STK32B: variants seen among roughly 807,000 people sequenced by gnomAD.
The protein encoded by STK32B is serine/threonine-protein kinase 32B.
Under a neutral mutation model 52.6 loss-of-function variants are expected in STK32B, and 43 were observed. The observed-to-expected ratio is 0.82, with a 90% CI of 0.64 to 1.05. The LOEUF (loss-of-function observed/expected upper bound fraction) is 1.05, where lower values mean the gene tolerates loss of function less well. Ranked by LOEUF, STK32B falls within the 50% of genes least tolerant of loss-of-function variation. STK32B has a pLI of 0.00. For synonymous variants in STK32B, 238 were observed against 204.3 expected, an observed-to-expected ratio of 1.17 and a Z score of -1.41; for missense variants, 621 against 534.6, an observed-to-expected ratio of 1.16 and a Z score of -1.59.
chr4:5,088,494 G>A (rs945130763), intron 1 of STK32B, among the ~76,000 whole-genome samples: 1 of 152,036 alleles, frequency 6.6e-6, no homozygotes, highest in Non-Finnish European at 1.5e-5. Context: ...AAATACTTGA[G>A]AGGTTGGATA....
intron 4 of STK32B, among the ~76,000 whole-genome samples, chr4:5,359,367 C>A (rs1460564712): frequency 6.6e-6 from 1 of 151,820 alleles, no homozygotes; most frequent in African/African-American, 2.4e-5. Flanking sequence ...ACTCATCCAA[C>A]CACTCATCCA....
intron 10 of STK32B, 30 bp downstream of exon 10, chr4:5,466,864 G>T (rs774670650): frequency 3.7e-6 from 6 of 1,605,854 alleles, no homozygotes; most frequent in Non-Finnish European, 5.1e-6. Flanking sequence ...CGTTCCGGGA[G>T]AGAAATCCTG....
chr4:5,211,690 A>G (rs1377584010), intron 3 of STK32B, among the ~76,000 whole-genome samples: 1 of 152,162 alleles, frequency 6.6e-6, no homozygotes, highest in African/African-American at 2.4e-5. Flanking sequence ...CAATGACCCC[A>G]TGAGGTCAGC....
intron 3 of STK32B, among the ~76,000 whole-genome samples, chr4:5,311,924 A>T (rs1005690391): frequency 4.1e-5 from 6 of 146,138 alleles, no homozygotes; most frequent in South Asian, 2.1e-4. Context: ...ATTTTTTTTT[A>T]AAGTTTATTC....
At chr4:5,235,116 C>T (rs777363892) in intron 3 of STK32B, among the ~76,000 whole-genome samples, 11 of 152,220 alleles carry the variant, frequency 7.2e-5, no homozygotes, top group Non-Finnish European at 1.0e-4. Flanking sequence ...ATGAGATAGA[C>T]TTAGATTCAT....
At chr4:5,325,048 A>G (rs1255725120) in intron 3 of STK32B, among the ~76,000 whole-genome samples, 1 of 152,148 alleles carries the variant, frequency 6.6e-6, no homozygotes, top group Non-Finnish European at 1.5e-5. Context: ...CTCTAAATTT[A>G]TCCTGGTATG....
At chr4:5,110,198 A>G (rs1425755086) in intron 1 of STK32B, among the ~76,000 whole-genome samples, 5 of 151,862 alleles carry the variant, frequency 3.3e-5, no homozygotes, top group Middle Eastern at 3.4e-3. Context: ...TACACATGAA[A>G]TGCAGCTCCT....
At chr4:5,174,356 G>C (rs1445334561) in intron 3 of STK32B, among the ~76,000 whole-genome samples, 1 of 152,096 alleles carries the variant, frequency 6.6e-6, no homozygotes, top group Non-Finnish European at 1.5e-5. Context: ...GATGTTAGCT[G>C]GTTATTTTGC....
chr4:5,455,883 C>T (rs989401958), intron 7 of STK32B, among the ~76,000 whole-genome samples: 2 of 152,186 alleles, frequency 1.3e-5, no homozygotes, highest in African/African-American at 4.8e-5. Flanking sequence ...GGGTTAATCA[C>T]GAATTCATCG....
chr4:5,492,061 G>A (rs1393907493), intron 11 of STK32B, among the ~76,000 whole-genome samples: 1 of 152,190 alleles, frequency 6.6e-6, no homozygotes, highest in East Asian at 1.9e-4. Flanking sequence ...TGGCAATGCG[G>A]GCTCTTTTTT....
In STK32B at chr4:5,405,755, A is replaced by T. The variant is rs559777496; in HGVS notation, c.472+7511A>T. On this transcript the variant is annotated intron_variant, in intron 5 of 11. Coordinates refer to ENST00000282908, the MANE Select transcript of STK32B (RefSeq NM_018401.3). ...CTAATTCATTATTATGAGAACAGCA[A>T]AAGAGAAATCCACCCTTAGGATCCA... 1.2e-3 allele frequency among the ~76,000 whole-genome samples: 176 copies of T among 152,214 alleles called. 2 individuals carry two copies. The highest frequency in any genetic ancestry group is 4.0e-3 in the African/African-American group (168 of 41,496).
intron 3 of STK32B, among the ~76,000 whole-genome samples, chr4:5,247,415 G>A (rs565708902): frequency 1.3e-5 from 2 of 152,330 alleles, no homozygotes; most frequent in East Asian, 3.9e-4. Flanking sequence ...TGTTAAGCCT[G>A]TTGGAAGAGC....
chr4:5,153,766 T>TTTTTCTACATG (rs1717567332), intron 2 of STK32B, among the ~76,000 whole-genome samples: 3 of 152,146 alleles, frequency 2.0e-5, no homozygotes, highest in Admixed American at 2.0e-4. Context: ...AGACTTATGT[T>TTTTTCTACATG]TTTTCTACAT....
chr4:5,225,547 C>T (rs557532031), intron 3 of STK32B, among the ~76,000 whole-genome samples: 1 of 152,196 alleles, frequency 6.6e-6, no homozygotes, highest in Admixed American at 6.5e-5. Context: ...GCAGTCAGCC[C>T]GTCTTTATCT....
At chr4:5,153,024 G>A (rs1004198949) in intron 2 of STK32B, among the ~76,000 whole-genome samples, 20 of 152,158 alleles carry the variant, frequency 1.3e-4, no homozygotes, top group African/African-American at 3.6e-4. Flanking sequence ...TATTATCCCC[G>A]TTTTACAAAT....
At chr4:5,360,554 G>A (rs1283767008) in intron 4 of STK32B, among the ~76,000 whole-genome samples, 1 of 152,122 alleles carries the variant, frequency 6.6e-6, no homozygotes, top group Non-Finnish European at 1.5e-5. Context: ...GTGGGGTGTT[G>A]GGGCCATTAC....
At chr4:5,451,963 C>G (rs1716042996) in intron 7 of STK32B, among the ~76,000 whole-genome samples, 2 of 152,154 alleles carry the variant, frequency 1.3e-5, no homozygotes, top group Admixed American at 1.3e-4. Flanking sequence ...CTGGGAGGAC[C>G]TGCTTGAAAG....
intron 3 of STK32B, among the ~76,000 whole-genome samples, chr4:5,263,785 C>A (rs1726880119): frequency 6.6e-6 from 1 of 152,204 alleles, no homozygotes; most frequent in South Asian, 2.1e-4. Context: ...TAGACTATTT[C>A]TATCATCCCC....
intron 1 of STK32B, among the ~76,000 whole-genome samples, chr4:5,121,332 A>G (rs1715013065): frequency 1.3e-5 from 2 of 152,180 alleles, no homozygotes; most frequent in African/African-American, 4.8e-5. Flanking sequence ...ATGGGCATTT[A>G]GGTTGGTTCC....
Sources: gnomAD v4.1 joint callset for allele counts (sites outside exome capture counted in the v4.1 genomes callset) on GRCh38, gnomAD v4.1.1 for gene constraint, MANE v1.5 for transcripts, NCBI Gene and HGNC (gene_info 2026-07-23, HGNC 2026-07-21) for gene names.